KBTBD4: variants seen among roughly 807,000 people sequenced by gnomAD.
KBTBD4 encodes kelch repeat and BTB domain containing 4, also known as kelch repeat and BTB domain-containing protein 4.
In KBTBD4, 30 loss-of-function variants were observed where a neutral mutation model predicts 43.9. That is an observed-to-expected ratio of 0.68 (90% CI 0.51 to 0.93). The LOEUF is 0.93. Ranked by LOEUF, KBTBD4 falls within the 40% of genes least tolerant of loss-of-function variation. The probability of loss-of-function intolerance (pLI) is 0.00; values close to 1 mark genes in which losing one functional copy is unlikely to be tolerated. For synonymous variants in KBTBD4, 258 were observed against 256.9 expected (o/e 1.00, Z -0.04); for missense variants, 575 against 668.8 (o/e 0.86, Z 1.55).
chr11:47,578,358 C>T, intron 1 of KBTBD4: 1 of 566,592 alleles, frequency 1.8e-6, no homozygotes, highest in Non-Finnish European at 3.1e-6. Context: ...CTGGGAGAGG[C>T]CTGTGATCGT....
intron 1 of KBTBD4, 124 bp from the exon 2 acceptor site, chr11:47,578,152 T>G: frequency 9.4e-7 from 1 of 1,067,000 alleles, no homozygotes; most frequent in Non-Finnish European, 1.4e-6. Flanking sequence ...TTGGCCTTAG[T>G]CCTGGCCCTG....
chr11:47,578,089 A>G (rs1311206941), intron 1 of KBTBD4, 61 bp from the exon 2 acceptor site: 7 of 1,585,420 alleles, frequency 4.4e-6, no homozygotes, highest in Non-Finnish European at 6.0e-6. Context: ...TGTGAATCCA[A>G]CTGTCCAACT....
In KBTBD4 at chr11:47,577,755, T is replaced by TG; in HGVS notation, c.292dup (p.His98ProfsTer20). 6.2e-7 allele frequency: 1 copy of TG among 1,614,178 alleles called. No individual in the cohort carries two copies. The highest frequency in any genetic ancestry group is 2.2e-5 in the East Asian group (1 of 44,888). ...ATCCTGCAGCACAATCACCCGGTTG[T>TG]GGGCCTCCTTCAGGTTGGAAGTGAA... On this transcript the variant is annotated frameshift_variant, in exon 2 of 4. Transcript: ENST00000430070. LOFTEE classifies it high-confidence loss of function.
At position 47,578,678 on chromosome 11, in the gene KBTBD4, G is replaced by T. The variant is rs1478637760; in HGVS notation, c.19+255C>A. 4.8e-6 allele frequency: 5 copies of T among 1,050,442 alleles called. No individual in the cohort carries two copies. The Admixed American group carries it at 7.2e-5, about 15-fold the overall frequency. 65.1% of individuals were successfully genotyped at this position (1,050,442 alleles called of 1,614,324 possible). A position where few individuals can be genotyped will look rare whatever the true frequency, so the allele number is the denominator to read the frequency against. ...GCCCATCACCCTGTGCAATGTCCCCGCTCCACCTTGAGTCGTCTTGGAAAC... is the reference window on the plus strand; with the variant it reads ...GCCCATCACCCTGTGCAATGTCCCCTCTCCACCTTGAGTCGTCTTGGAAAC... On this transcript the variant is annotated intron_variant, in intron 1 of 3. Transcript: ENST00000430070.
intron 1 of KBTBD4, chr11:47,578,720 G>A (rs2097265206): frequency 3.6e-6 from 5 of 1,401,400 alleles, no homozygotes; most frequent in Admixed American, 2.3e-5. Flanking sequence ...CAGGGAAACC[G>A]TTCTTCCCGC....
At position 47,577,953 on chromosome 11, in the gene KBTBD4, A is replaced by G. The variant is rs1322954784; in HGVS notation, c.95T>C (p.Phe32Ser). Residue 32 changes from phenylalanine (F) to serine (S), a missense_variant, in exon 2 of 4, where the codon TTT becomes TCT. Phe to Ser is a radical substitution (Grantham distance 155). Coordinates refer to ENST00000430070, the MANE Select transcript of KBTBD4 (RefSeq NM_018095.6). ...CCGATCTTTGAAAGTGTAGTTCACAAAGTAGTTCTCATCCATGGATGCTCC... is the reference window on the plus strand; with the variant it reads ...CCGATCTTTGAAAGTGTAGTTCACAGAGTAGTTCTCATCCATGGATGCTCC... ...EPGASMDENY[F>S]VNYTFKDRSH... 2.5e-6 allele frequency: 4 copies of G among 1,614,178 alleles called. No homozygotes were observed. The highest frequency in any genetic ancestry group is 3.3e-5 in the Admixed American group (2 of 60,020).
chr11:47,577,520 AG>A lies in KBTBD4; in HGVS notation c.527del (p.Pro176LeufsTer50). 1 of 1,614,150 alleles carries A rather than the reference AG, an allele frequency of 6.2e-7. No homozygotes were observed. Among genetic ancestry groups the A allele is most frequent in the Non-Finnish European group, 8.5e-7 (1 of 1,180,030 alleles). On this transcript the variant is annotated frameshift_variant, in exon 2 of 4. Transcript: ENST00000430070. LOFTEE classifies it high-confidence loss of function. ...VMWLADRHSDPELYTAAKHCA... is the reference protein window; with the variant it reads ...VMWLADRHSDXELYTAAKHCA... ...AGTGCTTGGCAGCCGTATAGAGCTC[AG>A]GATCACTGTGCCGATCTGCCAGCCA...
chr11:47,578,374 C>T, intron 1 of KBTBD4: 2 of 561,934 alleles, frequency 3.6e-6, no homozygotes, highest in Non-Finnish European at 3.1e-6. Flanking sequence ...ATCGTAAAAG[C>T]CTTACTAACC....
chr11:47,575,493 CAA>C (rs1365020624), intron 3 of KBTBD4, 98 bp downstream of exon 3: 1 of 750,644 alleles, frequency 1.3e-6, no homozygotes, highest in Non-Finnish European at 2.3e-6. Context: ...GACGACAGAG[CAA>C]GACTCCATCT....
Position 47,572,763 on chromosome 11 carries a change from T to C in KBTBD4, c.*167A>G. 1 of 694,936 alleles carries C rather than the reference T, an allele frequency of 1.4e-6. No individual in the cohort carries two copies. The highest frequency in any genetic ancestry group is 1.8e-5 in the African/African-American group (1 of 55,642). The allele number at this position is 694,936 out of a possible 1,614,324, so 43.0% of individuals were successfully genotyped here. A position where few individuals can be genotyped will look rare whatever the true frequency, so the allele number is the denominator to read the frequency against. On this transcript the variant is annotated 3_prime_UTR_variant, in exon 4 of 4. Transcript: ENST00000430070. ...CAAGCAACCAGCTGAGCAGCAGCAG[T>C]CTAAAAAGCCCCAAACAGAACACCT...
intron 1 of KBTBD4, chr11:47,578,601 G>A (rs1331444930): frequency 2.8e-6 from 2 of 715,674 alleles, no homozygotes; most frequent in Non-Finnish European, 5.0e-6. Context: ...GACTCCCTAT[G>A]GCTGCGTCCC....
rs748459776 is a variant in KBTBD4 at position 47,573,334 on chromosome 11, C to A, written c.1201G>T (p.Gly401Trp). The A allele has an allele frequency of 1.2e-6, 2 of 1,614,236 alleles. No homozygotes were observed. The highest frequency in any genetic ancestry group is 1.7e-6 in the Non-Finnish European group (2 of 1,180,044). Residue 401 changes from glycine to tryptophan, a missense_variant, in exon 4 of 4, where the codon GGG becomes TGG. Coordinates refer to ENST00000430070, the MANE Select transcript of KBTBD4 (RefSeq NM_018095.6). The surrounding 1 kb of genome is among the most constrained non-coding windows in gnomAD (Gnocchi z 4.1). ...AAGAAGTCCAGATCATTCTCCTCCCCCCCTAGTAAGTAGATGATCCCGTTG... is the reference window on the plus strand; with the variant it reads ...AAGAAGTCCAGATCATTCTCCTCCCACCCTAGTAAGTAGATGATCCCGTTG... ...NLNGIIYLLG[G>W]EENDLDFFTK... is the part of the protein sequence containing the mutation.
Position 47,577,679 on chromosome 11 carries a change from A to T in KBTBD4, c.369T>A (p.Thr123=). The T allele has an allele frequency of 6.2e-7, 1 of 1,614,214 alleles. No individual in the cohort carries two copies. Among genetic ancestry groups the T allele is most frequent in the Non-Finnish European group, 8.5e-7 (1 of 1,180,024 alleles). The stretch of plus-strand genomic sequence containing the variant: ...GCAACTCCTCAGCTCGAAGTTTCAC[A>T]GTCCCATGGTAGATATAATCAACCA... The part of the protein sequence containing the change: ...QLLVDYIYHG[T]VKLRAEELQE... The change falls in exon 2 of 4, where the codon ACT becomes ACA. Residue 123 remains threonine (T), a synonymous_variant. Transcript: ENST00000430070.
rs1488259580 is a variant in KBTBD4 at position 47,575,637 on chromosome 11, C to G, written c.700G>C (p.Glu234Gln). The change falls in exon 3 of 4, where the codon GAG becomes CAG. Residue 234 changes from glutamate to glutamine, a missense_variant. Coordinates refer to ENST00000430070, the MANE Select transcript of KBTBD4 (RefSeq NM_018095.6). ...AIEAWINFNK[E>Q]EREAFAESLR... ...GACTCTGCAAAAGCCTCTCTTTCCT[C>G]TTTATTAAAGTTGATCCAGGCTTCT... 3.7e-6 allele frequency: 6 copies of G among 1,613,568 alleles called. No individual in the cohort carries two copies. In the South Asian group the frequency reaches 6.6e-5, roughly 18 times the overall value.
intron 1 of KBTBD4, 135 bp from the exon 2 acceptor site, chr11:47,578,163 TC>T: frequency 2.3e-6 from 2 of 886,850 alleles, no homozygotes; most frequent in South Asian, 1.6e-5. Context: ...CCTGGCCCTG[TC>T]CATGATGTCC....
Position 47,573,632 on chromosome 11 carries a change from T to C in KBTBD4, c.903A>G (p.Gly301=), listed in dbSNP as rs367925558. 8.6e-5 allele frequency: 138 copies of C among 1,613,890 alleles called. No individual in the cohort carries two copies. Among genetic ancestry groups the C allele is most frequent in the Non-Finnish European group, 1.0e-4 (118 of 1,180,034 alleles). Residue 301 remains glycine (G), a synonymous_variant, in exon 4 of 4, where the codon GGA becomes GGG. Transcript: ENST00000430070. The surrounding 1 kb of genome is among the most constrained non-coding windows in gnomAD (Gnocchi z 4.1). ...HQITAACKHG[G]DLYVVGGSIP... ...TGGACCCTCCCACCACATACAAGTCTCCACCATGCTTGCAGGCCGCAGTGA... is the reference window on the plus strand; with the variant it reads ...TGGACCCTCCCACCACATACAAGTCCCCACCATGCTTGCAGGCCGCAGTGA...
chr11:47,573,639 T>A lies in KBTBD4; in HGVS notation c.896A>T (p.His299Leu). The A allele has an allele frequency of 1.2e-6, 2 of 1,614,042 alleles. No individual in the cohort carries two copies. The highest frequency in any genetic ancestry group is 1.7e-6 in the Non-Finnish European group (2 of 1,180,036). ...TCCCACCACATACAAGTCTCCACCATGCTTGCAGGCCGCAGTGATCTGGTG... is the reference window on the plus strand; with the variant it reads ...TCCCACCACATACAAGTCTCCACCAAGCTTGCAGGCCGCAGTGATCTGGTG... The part of the protein sequence containing the change: ...LCHQITAACK[H>L]GGDLYVVGGS... The change falls in exon 4 of 4, where the codon CAT becomes CTT. Residue 299 changes from histidine to leucine, a missense_variant. Coordinates refer to ENST00000430070, the MANE Select transcript of KBTBD4 (RefSeq NM_018095.6). This position sits in a 1 kb window ranked among gnomAD's most constrained non-coding sequence, Gnocchi z 4.1.
intron 1 of KBTBD4, chr11:47,578,393 G>A (rs181653728): frequency 5.4e-6 from 3 of 557,964 alleles, no homozygotes; most frequent in South Asian, 4.9e-5. Context: ...CCAAATAACT[G>A]GGGCATAAAA....
At position 47,573,415 on chromosome 11, in the gene KBTBD4, A is replaced by G; in HGVS notation, c.1120T>C (p.Trp374Arg). The change falls in exon 4 of 4, where the codon TGG becomes CGG. Residue 374 changes from tryptophan to arginine, a missense_variant. Physicochemically the swap from Trp to Arg is moderately radical, Grantham distance 101 (BLOSUM62 -3). Coordinates refer to ENST00000430070, the MANE Select transcript of KBTBD4 (RefSeq NM_018095.6). The surrounding 1 kb of genome is among the most constrained non-coding windows in gnomAD (Gnocchi z 4.1). ...ACCTCTAGCTGAGTTGTCTCTGTCC[A>G]CACATTATCACCTACGCGATAATAA... ...VIYYRVGDNV[W>R]TETTQLEVAV... 1 of 1,614,224 alleles carries G rather than the reference A, an allele frequency of 6.2e-7. No individual in the cohort carries two copies. The highest frequency in any genetic ancestry group is 2.2e-5 in the East Asian group (1 of 44,884).
Sources: gnomAD v4.1 joint callset for allele counts on GRCh38, gnomAD v4.1.1 for gene constraint, Gnocchi (gnomAD v3.1) non-coding constraint, MANE v1.5 for transcripts, NCBI Gene and HGNC (gene_info 2026-07-23, HGNC 2026-07-21) for gene names.